FAM3C: variants seen among roughly 807,000 people sequenced by gnomAD.
FAM3C encodes the protein protein FAM3C.
Under a neutral mutation model 32.5 loss-of-function variants are expected in FAM3C, and 15 were observed. The observed-to-expected ratio is 0.46, with a 90% CI of 0.31 to 0.71. FAM3C has a LOEUF of 0.71. Among genes scored for constraint, FAM3C ranks in the 30% least tolerant of loss-of-function variants. FAM3C has a pLI of 0.05. For missense variants in FAM3C, 175 were observed against 274.4 expected (o/e 0.64, Z 2.56); for synonymous variants, 75 against 86.1 (o/e 0.87, Z 0.72).
rs1330091557 is a variant in FAM3C, at chr7:121,372,153, ATTACT to A, written c.119-19_119-15del. On this transcript the variant is annotated splice_polypyrimidine_tract_variant and intron_variant, in intron 3 of 9. Coordinates refer to ENST00000359943, the MANE Select transcript of FAM3C (RefSeq NM_014888.3). ...ATGCTGATCTTGCTGAAAAAAAAAA[ATTACT>A]TTTGTTAGAAGGAATGAGTCTATTG... is the stretch of plus-strand genomic sequence containing the variant. 2 of 1,592,530 alleles carry A rather than the reference ATTACT, an allele frequency of 1.3e-6. No homozygotes were observed. The highest frequency in any genetic ancestry group is 1.7e-6 in the Non-Finnish European group (2 of 1,163,124).
intron 9 of FAM3C, 143 bp from the exon 10 acceptor site, chr7:121,350,693 G>A (rs983221215): frequency 1.2e-6 from 1 of 829,894 alleles, no homozygotes; most frequent in African/African-American, 1.7e-5. Context: ...TATTAAATGA[G>A]TGACCCTCAG....
intron 1 of FAM3C, among the ~76,000 whole-genome samples, chr7:121,387,355 CA>C (rs1794486279): frequency 6.6e-6 from 1 of 152,102 alleles, no homozygotes; most frequent in Non-Finnish European, 1.5e-5. Flanking sequence ...CAGGCTCTAA[CA>C]GTCCAACTTT....
intron 2 of FAM3C, among the ~76,000 whole-genome samples, chr7:121,379,491 C>G (rs1158798136): frequency 6.6e-6 from 1 of 152,164 alleles, no homozygotes; most frequent in East Asian, 1.9e-4. Context: ...TGTCCTATCA[C>G]TAACCAACAC....
At chr7:121,360,611 TG>T (rs1793899937) in intron 7 of FAM3C, among the ~76,000 whole-genome samples, 1 of 152,092 alleles carries the variant, frequency 6.6e-6, no homozygotes, top group Admixed American at 6.6e-5. Flanking sequence ...GGCTGGGGGA[TG>T]GCTTGAGCCC....
At position 121,388,082 on chromosome 7, in the gene FAM3C, TTG is replaced by T. The variant is rs373287595; in HGVS notation, c.-41-5074_-41-5073del. Among the ~76,000 whole-genome samples, 466 of 152,296 alleles carry T rather than the reference TTG, an allele frequency of 3.1e-3. 4 individuals carry two copies. Among genetic ancestry groups the T allele is most frequent in the African/African-American group, 0.01 (423 of 41,576 alleles). ...CAGTAGGATATCTGAGCTGCTATCA[TTG>T]TGTTAGAAATATTGTAAATTTAACA... On this transcript the variant is annotated intron_variant, in intron 1 of 9. Coordinates refer to ENST00000359943, the MANE Select transcript of FAM3C (RefSeq NM_014888.3).
At chr7:121,387,908 T>C (rs1189959989) in intron 1 of FAM3C, among the ~76,000 whole-genome samples, 1 of 152,090 alleles carries the variant, frequency 6.6e-6, no homozygotes, top group East Asian at 1.9e-4. Flanking sequence ...TTATTACTAT[T>C]GCACATGCAG....
At chr7:121,395,916 G>A (rs1794684090) in intron 1 of FAM3C, among the ~76,000 whole-genome samples, 1 of 151,486 alleles carries the variant, frequency 6.6e-6, no homozygotes, top group South Asian at 2.1e-4. Context: ...CGCGGAGCCC[G>A]GGGATGCCCA....
At chr7:121,358,614 A>C (rs1175839089) in intron 8 of FAM3C, among the ~76,000 whole-genome samples, 1 of 152,172 alleles carries the variant, frequency 6.6e-6, no homozygotes, top group South Asian at 2.1e-4. Context: ...CCAGAGATAA[A>C]GCCAAATCTA....
intron 8 of FAM3C, chr7:121,351,581 T>C (rs959763440): frequency 4.2e-5 from 10 of 239,464 alleles, no homozygotes; most frequent in African/African-American, 1.6e-4. Flanking sequence ...CCACAGTTAG[T>C]AGATGCCTAT....
At chr7:121,369,751 G>A (rs959334249) in intron 5 of FAM3C, among the ~76,000 whole-genome samples, 1 of 152,194 alleles carries the variant, frequency 6.6e-6, no homozygotes, top group African/African-American at 2.4e-5. Flanking sequence ...CAAAGGTCAA[G>A]AAGGAAGACA....
chr7:121,395,447 G>A (rs1334621667), intron 1 of FAM3C, among the ~76,000 whole-genome samples: 1 of 150,032 alleles, frequency 6.7e-6, no homozygotes, highest in Non-Finnish European at 1.5e-5. Flanking sequence ...TATATTACAG[G>A]CAATAATATT....
At chr7:121,353,944 C>T (rs990043599) in intron 8 of FAM3C, among the ~76,000 whole-genome samples, 5 of 152,260 alleles carry the variant, frequency 3.3e-5, no homozygotes, top group East Asian at 3.9e-4. Flanking sequence ...GTTTGGGGGA[C>T]GTCTAACACA....
intron 1 of FAM3C, among the ~76,000 whole-genome samples, chr7:121,392,631 A>T (rs1199647134): frequency 6.6e-6 from 1 of 152,212 alleles, no homozygotes; most frequent in East Asian, 1.9e-4. Context: ...CTCATTTAAC[A>T]ATCACTTAAC....
At chr7:121,395,212 GATACATACATATATATGGATAC>G (rs1432400759) in intron 1 of FAM3C, among the ~76,000 whole-genome samples, 14 of 149,626 alleles carry the variant, frequency 9.4e-5, no homozygotes, top group Admixed American at 2.0e-4. Context: ...CATATATACG[GATACATACATATATATGGATAC>G]ATACATACAT....
chr7:121,387,697 C>T (rs1288053944), intron 1 of FAM3C, among the ~76,000 whole-genome samples: 1 of 152,016 alleles, frequency 6.6e-6, no homozygotes, highest in Non-Finnish European at 1.5e-5. Flanking sequence ...AAATTAATCT[C>T]ACTATATTAC....
At chr7:121,395,204 T>G (rs28620394) in intron 1 of FAM3C, among the ~76,000 whole-genome samples, 5,148 of 151,854 alleles carry the variant, frequency 0.034, 325 homozygotes, top group African/African-American at 0.12. Flanking sequence ...GATACATACA[T>G]ATATACGGAT....
chr7:121,352,386 C>G (rs1793723269), intron 8 of FAM3C, among the ~76,000 whole-genome samples: 2 of 152,180 alleles, frequency 1.3e-5, no homozygotes, highest in Non-Finnish European at 1.5e-5. Flanking sequence ...ATGATTGATG[C>G]CCACCACATC....
intron 8 of FAM3C, among the ~76,000 whole-genome samples, chr7:121,358,205 C>T (rs1392028095): frequency 6.6e-6 from 1 of 152,002 alleles, no homozygotes; most frequent in East Asian, 1.9e-4. Context: ...CAGCTTACAA[C>T]CATTTATAAA....
chr7:121,379,198 C>T lies in FAM3C; in HGVS notation c.14-184G>A, dbSNP rs77615928. Among the ~76,000 whole-genome samples, 2 of 151,970 alleles carry T rather than the reference C, an allele frequency of 1.3e-5. 1 individual carries two copies. The highest frequency in any genetic ancestry group is 3.8e-4 in the East Asian group (2 of 5,198). On this transcript the variant is annotated intron_variant, in intron 2 of 9. Transcript: ENST00000359943. ...CAATTCATCAAGATAAAGAATTTTC[C>T]TGATCAAAGAATTCTCAGATTATCT...
Sources: allele counts gnomAD v4.1 joint callset (sites outside exome capture counted in the v4.1 genomes callset), GRCh38; gene constraint gnomAD v4.1.1; transcripts MANE v1.5; gene names NCBI Gene and HGNC (gene_info 2026-07-23, HGNC 2026-07-21).